The following HHIPL1 variants were observed in gnomAD, a reference collection of about 807,000 sequenced individuals.
HHIPL1 encodes HHIP-like protein 1.
In HHIPL1, 43 loss-of-function variants were observed where a neutral mutation model predicts 61.8. The observed-to-expected ratio is 0.70, with a 90% CI of 0.55 to 0.90. The LOEUF is 0.90. Ranked by LOEUF, HHIPL1 falls within the 40% of genes least tolerant of loss-of-function variation. The pLI, the probability that HHIPL1 is intolerant of heterozygous loss-of-function variation, is 0.00. For missense variants in HHIPL1, 1,056 were observed against 1,157.7 expected, an observed-to-expected ratio of 0.91 and a Z score of 1.28; for synonymous variants, 482 against 515.8, an observed-to-expected ratio of 0.93 and a Z score of 0.89.
At chr14:99,642,298 C>A (rs982539278), upstream of HHIPL1, among the ~76,000 whole-genome samples, 23 of 152,136 alleles carry the variant, frequency 1.5e-4, no homozygotes, top group Non-Finnish European at 2.9e-5. Context: ...TCTTCTCTTT[C>A]CCATTTTCAA....
the HHIPL1 span, among the ~76,000 whole-genome samples, chr14:99,607,021 C>CTTTTTTTTTTT: frequency 5.8e-5 from 4 of 68,404 alleles, 1 homozygote; most frequent in Non-Finnish European, 9.7e-5. Flanking sequence ...GTGACTTTGC[C>CTTTTTTTTTTT]TTTTTTTTTT....
upstream of HHIPL1, among the ~76,000 whole-genome samples, chr14:99,640,754 TC>T (rs2055739454): frequency 6.6e-6 from 1 of 152,024 alleles, no homozygotes; most frequent in Non-Finnish European, 1.5e-5. Flanking sequence ...AGTTCCTTCC[TC>T]CCATCTCTTA....
intron 3 of HHIPL1, among the ~76,000 whole-genome samples, chr14:99,657,492 C>T (rs1310052870): frequency 6.6e-6 from 1 of 152,140 alleles, no homozygotes; most frequent in African/African-American, 2.4e-5. Context: ...CCTGCCAGAC[C>T]CCTGCTGGAA....
At chr14:99,621,709 C>CTTTTTTTTTTTTTTTTTTTTTTT in the HHIPL1 span, among the ~76,000 whole-genome samples, 4 of 84,524 alleles carry the variant, frequency 4.7e-5, no homozygotes, top group Non-Finnish European at 6.4e-5. Context: ...CTTTTCTTTT[C>CTTTTTTTTTTTTTTTTTTTTTTT]TTTTTTTTTT....
chr14:99,660,356 C>T lies in HHIPL1; in HGVS notation c.1452C>T (p.Cys484=), dbSNP rs775078556. 2 of 1,614,110 alleles carry T rather than the reference C, an allele frequency of 1.2e-6. No individual in the cohort carries two copies. The highest frequency in any genetic ancestry group is 2.2e-5 in the East Asian group (1 of 44,864). Reference sequence around the variant, plus strand: ...CAGGGGGCTACGTGTACCGGGGCTGCGAGTACCCCAACCTGAACGGCCTCT... The same window carrying T: ...CAGGGGGCTACGTGTACCGGGGCTGTGAGTACCCCAACCTGAACGGCCTCT... ...SVTGGYVYRG[C]EYPNLNGLYI... Residue 484 remains cysteine (C), a synonymous_variant, in exon 5 of 9, where the codon TGC becomes TGT. Coordinates refer to ENST00000330710, the MANE Select transcript of HHIPL1 (RefSeq NM_001127258.3). This position sits in a 1 kb window ranked among gnomAD's most constrained non-coding sequence, Gnocchi z 4.9.
chr14:99,660,219 C>CCTGG lies in HHIPL1; in HGVS notation c.1376-57_1376-54dup. The stretch of plus-strand genomic sequence containing the variant: ...CCCCGCGGAATCCCTCCGGAATTCT[C>CCTGG]CTGGCTGATGAACCTTCCCGCCGCT... On this transcript the variant is annotated intron_variant, in intron 4 of 8. Transcript: ENST00000330710. The surrounding 1 kb of genome is among the most constrained non-coding windows in gnomAD (Gnocchi z 4.9). 1 of 1,605,662 alleles carries CCTGG rather than the reference C, an allele frequency of 6.2e-7. No homozygotes were observed. The highest frequency in any genetic ancestry group is 8.5e-7 in the Non-Finnish European group (1 of 1,176,150).
chr14:99,668,357 C>A lies in HHIPL1; in HGVS notation c.1730+54C>A. The A allele has an allele frequency of 9.3e-7, 1 of 1,072,104 alleles. No homozygotes were observed. The highest frequency in any genetic ancestry group is 1.5e-6 in the Non-Finnish European group (1 of 686,938). The allele number at this position is 1,072,104 out of a possible 1,614,324, so 66.4% of individuals were successfully genotyped here. A position where few individuals can be genotyped will look rare whatever the true frequency, so the allele number is the denominator to read the frequency against. On this transcript the variant is annotated intron_variant, in intron 7 of 8. Transcript: ENST00000330710. The surrounding 1 kb of genome is among the most constrained non-coding windows in gnomAD (Gnocchi z 4.7). ...TCCTGCTGTCTGTCAGGCCTCTTAG[C>A]TCCACGGGCTTGTCCCCTCCGCCTC...
At chr14:99,637,120 AAAAG>A in the HHIPL1 span, among the ~76,000 whole-genome samples, 170 of 133,850 alleles carry the variant, frequency 1.3e-3, 6 homozygotes, top group African/African-American at 4.4e-3. Context: ...AGAAAGAAAG[AAAAG>A]AAAGAGAGAG....
the HHIPL1 span, among the ~76,000 whole-genome samples, chr14:99,606,716 T>C: frequency 2.0e-5 from 3 of 152,192 alleles, no homozygotes; most frequent in Non-Finnish European, 4.4e-5. Flanking sequence ...GGAGTCTTGA[T>C]AGCTTTGCTC....
chr14:99,669,139 G>T, intron 7 of HHIPL1: 2 of 1,378,232 alleles, frequency 1.5e-6, no homozygotes, highest in Non-Finnish European at 9.4e-7. Context: ...CTACACGACT[G>T]ACTCTCTCCC....
At chr14:99,644,189 T>TC (rs1268558563), upstream of HHIPL1, among the ~76,000 whole-genome samples, 4 of 151,938 alleles carry the variant, frequency 2.6e-5, no homozygotes, top group Non-Finnish European at 4.4e-5. Context: ...AGAAACATGA[T>TC]CCCCCAGGAC....
At chr14:99,624,973 G>A in the HHIPL1 span, 2 of 152,228 alleles carry the variant, frequency 1.3e-5, no homozygotes, top group Non-Finnish European at 1.5e-5. Context: ...AAAATTGCAC[G>A]GTGCCTGCCG....
At position 99,668,170 on chromosome 14, in the gene HHIPL1, T is replaced by C; in HGVS notation, c.1649-52T>C. The C allele has an allele frequency of 2.7e-6, 3 of 1,125,104 alleles. No individual in the cohort carries two copies. The highest frequency in any genetic ancestry group is 2.3e-5 in the East Asian group (1 of 42,580). The allele number at this position is 1,125,104 out of a possible 1,614,324, so 69.7% of individuals were successfully genotyped here. ...AGCCGGGTGGTGAGGCGGGGCTGGC[T>C]GGGACGGTATTCCAGGTGGGGGTCT... On this transcript the variant is annotated intron_variant, in intron 6 of 8. Coordinates refer to ENST00000330710, the MANE Select transcript of HHIPL1 (RefSeq NM_001127258.3). The surrounding 1 kb of genome is among the most constrained non-coding windows in gnomAD (Gnocchi z 4.7).
rs184191709 is a variant in HHIPL1, at chr14:99,661,282, C to T, written c.1502+876C>T. On this transcript the variant is annotated intron_variant, in intron 5 of 8. Transcript: ENST00000330710. ...TTCACCTTTCCTTATCTTCAGCTAC[C>T]TCATCTGCAAAATGGAGATGATCAT... Among the ~76,000 whole-genome samples, 202 of 152,208 alleles carry T rather than the reference C, an allele frequency of 1.3e-3. 1 individual carries two copies. The highest frequency in any genetic ancestry group is 4.5e-3 in the African/African-American group (185 of 41,526).
Position 99,675,707 on chromosome 14 carries a change from T to C in HHIPL1, c.*81T>C. ...CTCCGCCCTGTGTGCGCCCAGCGGG[T>C]GCACACGTGTTCTAGAGTGAAGGGG... On this transcript the variant is annotated 3_prime_UTR_variant, in exon 9 of 9. Transcript: ENST00000330710. The surrounding 1 kb of genome is among the most constrained non-coding windows in gnomAD (Gnocchi z 5.4). 5.2e-6 allele frequency: 7 copies of C among 1,339,448 alleles called. No homozygotes were observed. The highest frequency in any genetic ancestry group is 5.9e-6 in the Non-Finnish European group (6 of 1,010,826). The allele number at this position is 1,339,448 out of a possible 1,614,324, so 83.0% of individuals were successfully genotyped here.
At chr14:99,638,229 T>C in the HHIPL1 span, among the ~76,000 whole-genome samples, 1 of 152,192 alleles carries the variant, frequency 6.6e-6, no homozygotes, top group East Asian at 1.9e-4. Context: ...ACTCACGAGA[T>C]GGGTCCTGGC....
rs547266815 is a variant in HHIPL1 at position 99,646,413 on chromosome 14, G to A, written c.255+951G>A. Among the ~76,000 whole-genome samples the A allele has an allele frequency of 7.2e-5, 11 of 152,390 alleles. No individual in the cohort carries two copies. In the East Asian group the frequency reaches 1.9e-3, roughly 27 times the overall value. ...GCAAGAAGGCTGACTTGGAGTTGGA[G>A]TTTGATCCTGGCTCTGTCACTTCCC... On this transcript the variant is annotated intron_variant, in intron 1 of 8. Coordinates refer to ENST00000330710, the MANE Select transcript of HHIPL1 (RefSeq NM_001127258.3).
intron 3 of HHIPL1, among the ~76,000 whole-genome samples, chr14:99,657,918 TAC>T (rs996260465): frequency 6.6e-6 from 1 of 151,296 alleles, no homozygotes; most frequent in African/African-American, 2.4e-5. Flanking sequence ...TACACACACA[TAC>T]ACACATACAT....
the HHIPL1 span, among the ~76,000 whole-genome samples, chr14:99,621,544 T>C: frequency 2.0e-5 from 3 of 152,120 alleles, no homozygotes; most frequent in Non-Finnish European, 4.4e-5. Context: ...AGCCCCATCC[T>C]GGTGCAGGGG....
Sources: gnomAD v4.1 joint callset for allele counts (sites outside exome capture counted in the v4.1 genomes callset) on GRCh38, gnomAD v4.1.1 for gene constraint, Gnocchi (gnomAD v3.1) non-coding constraint, MANE v1.5 for transcripts, NCBI Gene and HGNC (gene_info 2026-07-23, HGNC 2026-07-21) for gene names.